The following NUBP1 variants were observed in gnomAD, a reference collection of about 807,000 sequenced individuals.
NUBP1 encodes the protein NUBP iron-sulfur cluster assembly factor 1, cytosolic.
A neutral mutation model predicts 41.8 loss-of-function variants in NUBP1; 46 were observed. That is an observed-to-expected ratio of 1.10 (90% confidence interval 0.87 to 1.41). The LOEUF is 1.41. NUBP1 is among the 40% of genes most tolerant of loss of function. NUBP1 has a pLI of 0.00. For synonymous variants in NUBP1, 189 were observed against 154.6 expected, an observed-to-expected ratio of 1.22 and a Z score of -1.65; for missense variants, 494 against 414.0, an observed-to-expected ratio of 1.19 and a Z score of -1.68.
At chr16:10,763,188 G>A (rs560110161) in intron 9 of NUBP1, among the ~76,000 whole-genome samples, 1 of 152,242 alleles carries the variant, frequency 6.6e-6, no homozygotes, top group East Asian at 1.9e-4. Flanking sequence ...GGGCTCGGGG[G>A]CTCAGGTTGT....
rs1271105382 is a variant in NUBP1 at position 10,765,610 on chromosome 16, C to A, written c.821-2339C>A. ...CATTGTCTGACAGATCAGGAAGTGA[C>A]CTTGGGGCTATTAGATCCTGATACG... is the stretch of plus-strand genomic sequence containing the variant. On this transcript the variant is annotated intron_variant, in intron 9 of 10. Transcript: ENST00000283027. The surrounding 1 kb of genome is among the most constrained non-coding windows in gnomAD (Gnocchi z 4.0). Among the ~76,000 whole-genome samples, 3 of 152,162 alleles carry A rather than the reference C, an allele frequency of 2.0e-5. No homozygotes were observed. Among genetic ancestry groups the A allele is most frequent in the African/African-American group, 7.2e-5 (3 of 41,420 alleles).
rs748633430 is a variant in NUBP1, at chr16:10,757,948, C to T, written c.527C>T (p.Thr176Met). Residue 176 changes from threonine to methionine, a missense_variant, in exon 7 of 11, where the codon ACG becomes ATG. Physicochemically the swap from Thr to Met is moderately conservative, Grantham distance 81 (BLOSUM62 -1). Transcript: ENST00000283027. This position sits in a 1 kb window ranked among gnomAD's most constrained non-coding sequence, Gnocchi z 4.1. ...CTCATTGTGGACACCCCACCTGGGACGTCGGATGAACACCTCTCGGTCGTC... is the reference window on the plus strand; with the variant it reads ...CTCATTGTGGACACCCCACCTGGGATGTCGGATGAACACCTCTCGGTCGTC... ...DYLIVDTPPGTSDEHLSVVRY... is the reference protein window; with the variant it reads ...DYLIVDTPPGMSDEHLSVVRY... The T allele has an allele frequency of 6.8e-6, 11 of 1,613,968 alleles. No homozygotes were observed. The highest frequency in any genetic ancestry group is 3.3e-5 in the Admixed American group (2 of 59,994).
rs1457669255 is a variant in NUBP1, at chr16:10,744,052, C to T, written c.111C>T (p.Ala37=). ...NQRLCASGAG[A]TPDTAIEEIK... is the part of the protein sequence containing the mutation. ...GGCTGTGCGCTTCTGGAGCGGGGGC[C>T]ACTCCGGACACGGGTGAGAAAAGGG... Residue 37 remains alanine, a synonymous_variant, in exon 2 of 11, where the codon GCC becomes GCT. Coordinates refer to ENST00000283027, the MANE Select transcript of NUBP1 (RefSeq NM_002484.4). The T allele has an allele frequency of 2.5e-6, 4 of 1,580,554 alleles. No individual in the cohort carries two copies. The highest frequency in any genetic ancestry group is 3.4e-6 in the Non-Finnish European group (4 of 1,168,772).
chr16:10,756,677 G>C lies in NUBP1; in HGVS notation c.361-13G>C. On this transcript the variant is annotated splice_polypyrimidine_tract_variant and intron_variant, in intron 5 of 10. Transcript: ENST00000283027. ...GTAAAGCGTGTCTTGCCCTCACCCT[G>C]TTCCCTCTGCAGTACGTGGAAGACA... is the stretch of plus-strand genomic sequence containing the variant. 1.3e-6 allele frequency: 2 copies of C among 1,543,142 alleles called. No homozygotes were observed. The highest frequency in any genetic ancestry group is 1.7e-6 in the Non-Finnish European group (2 of 1,153,394).
chr16:10,744,811 G>A (rs920744964), intron 2 of NUBP1, among the ~76,000 whole-genome samples: 2 of 151,814 alleles, frequency 1.3e-5, no homozygotes, highest in African/African-American at 4.8e-5. Flanking sequence ...AGACCAGAGT[G>A]CAGTGGTGTG....
At chr16:10,745,917 G>C (rs1900042196) in intron 2 of NUBP1, among the ~76,000 whole-genome samples, 1 of 152,198 alleles carries the variant, frequency 6.6e-6, no homozygotes, top group Admixed American at 6.5e-5. Flanking sequence ...AATAGGGAAG[G>C]AGTTAGACTG....
chr16:10,756,903 C>T (rs1019834744), intron 6 of NUBP1, 123 bp downstream of exon 6: 1 of 677,874 alleles, frequency 1.5e-6, no homozygotes, highest in South Asian at 2.0e-5. Flanking sequence ...TATTTTTAAC[C>T]ATCCAGTGCC....
At chr16:10,753,067 T>A (rs540575657) in intron 4 of NUBP1, among the ~76,000 whole-genome samples, 1 of 152,322 alleles carries the variant, frequency 6.6e-6, no homozygotes, top group African/African-American at 2.4e-5. Flanking sequence ...GTGCTAGGAT[T>A]ACAGGCGTGA....
rs74007530 is a variant in NUBP1, at chr16:10,744,248, G to T, written c.124+183G>T. The stretch of plus-strand genomic sequence containing the variant: ...GGAAAGTGGGCAGGGTGAGGGCGGA[G>T]CTTGGAATGACTGACAGGAACGAGG... On this transcript the variant is annotated intron_variant, in intron 2 of 10. Coordinates refer to ENST00000283027, the MANE Select transcript of NUBP1 (RefSeq NM_002484.4). Among the ~76,000 whole-genome samples the T allele has an allele frequency of 5.8e-3, 878 of 152,320 alleles. 10 individuals are homozygous for T. The highest frequency in any genetic ancestry group is 0.02 in the African/African-American group (837 of 41,566).
At chr16:10,756,251 C>T (rs926961780) in intron 5 of NUBP1, among the ~76,000 whole-genome samples, 19 of 152,150 alleles carry the variant, frequency 1.2e-4, no homozygotes, top group African/African-American at 3.4e-4. Context: ...TGGTGGCACG[C>T]GCCTGTAACA....
chr16:10,761,295 C>G, intron 7 of NUBP1, 69 bp from the exon 8 acceptor site: 1 of 1,406,974 alleles, frequency 7.1e-7, no homozygotes, highest in South Asian at 1.2e-5. Flanking sequence ...GCAGCCATCC[C>G]CTCGGTTGCA....
In NUBP1 at chr16:10,768,086, T is replaced by C. The variant is rs1212177845; in HGVS notation, c.904+54T>C. Reference sequence around the variant, plus strand: ...GATGCCTGTGGGGCAGGAAGCAACATAAAGGAGCCAGGGGTGTGGAAGGAC... The same window carrying C: ...GATGCCTGTGGGGCAGGAAGCAACACAAAGGAGCCAGGGGTGTGGAAGGAC... On this transcript the variant is annotated intron_variant, in intron 10 of 10. Coordinates refer to ENST00000283027, the MANE Select transcript of NUBP1 (RefSeq NM_002484.4). This position sits in a 1 kb window ranked among gnomAD's most constrained non-coding sequence, Gnocchi z 4.3. 4.5e-6 allele frequency: 7 copies of C among 1,557,078 alleles called. No individual in the cohort carries two copies. Among genetic ancestry groups the C allele is most frequent in the Non-Finnish European group, 6.2e-6 (7 of 1,131,258 alleles).
Position 10,757,894 on chromosome 16 carries a change from G to A in NUBP1, c.473G>A (p.Arg158Gln), listed in dbSNP as rs749989453. The A allele has an allele frequency of 2.0e-5, 33 of 1,613,882 alleles. No individual in the cohort carries two copies. Among genetic ancestry groups the A allele is most frequent in the Non-Finnish European group, 2.5e-5 (29 of 1,179,942 alleles). Residue 158 changes from arginine (R) to glutamine (Q), a missense_variant, in exon 7 of 11, where the codon CGA (arginine) becomes CAA (glutamine). Arg to Gln is a conservative substitution (Grantham distance 43). Coordinates refer to ENST00000283027, the MANE Select transcript of NUBP1 (RefSeq NM_002484.4). This position sits in a 1 kb window ranked among gnomAD's most constrained non-coding sequence, Gnocchi z 4.1. ...CTAGGCATGATCAAGCAGTTCCTCC[G>A]AGATGTGGACTGGGGAGAGGTCGAC... ...KKNGMIKQFL[R>Q]DVDWGEVDYL... is the part of the protein sequence containing the mutation.
chr16:10,754,695 G>C (rs1269282170), intron 4 of NUBP1, among the ~76,000 whole-genome samples: 4 of 152,162 alleles, frequency 2.6e-5, no homozygotes, highest in Admixed American at 1.3e-4. Flanking sequence ...CAGACTGTGG[G>C]GGGTGGTGAC....
chr16:10,761,485 G>T lies in NUBP1; in HGVS notation c.717+11G>T, dbSNP rs369337742. The T allele has an allele frequency of 6.2e-7, 1 of 1,606,456 alleles. No homozygotes were observed. The highest frequency in any genetic ancestry group is 1.1e-5 in the South Asian group (1 of 90,860). On this transcript the variant is annotated intron_variant, in intron 8 of 10. Transcript: ENST00000283027. The stretch of plus-strand genomic sequence containing the variant: ...TGTCCTAAGTGCAAGGTGAGGGCGC[G>T]TGGGGCTGCCAGGCGAGCAAGATCT...
At chr16:10,755,814 G>T in intron 5 of NUBP1, 61 bp downstream of exon 5, 1 of 1,519,824 alleles carries the variant, frequency 6.6e-7, no homozygotes, top group South Asian at 1.1e-5. Context: ...TACATAATGG[G>T]TTTGTGGTTT....
chr16:10,752,553 G>C, intron 3 of NUBP1, 57 bp from the exon 4 acceptor site: 1 of 1,380,968 alleles, frequency 7.2e-7, no homozygotes, highest in Non-Finnish European at 1.0e-6. Flanking sequence ...CTAGTTGTGT[G>C]TGTCTGGAGT....
intron 9 of NUBP1, among the ~76,000 whole-genome samples, chr16:10,763,169 G>A (rs1486459520): frequency 6.6e-6 from 1 of 152,142 alleles, no homozygotes; most frequent in Non-Finnish European, 1.5e-5. Flanking sequence ...CTGGGGTGCT[G>A]CGGCTAAGGG....
At position 10,767,358 on chromosome 16, in the gene NUBP1, G is replaced by A; in HGVS notation, c.821-591G>A. ...GCCACATGGCGGGGAAAGACTAGCA[G>A]ACTGATAGACACCAGCACAGATGAC... is the stretch of plus-strand genomic sequence containing the variant. On this transcript the variant is annotated intron_variant, in intron 9 of 10. Transcript: ENST00000283027. This position sits in a 1 kb window ranked among gnomAD's most constrained non-coding sequence, Gnocchi z 4.6. The A allele has an allele frequency of 2.5e-6, 1 of 399,842 alleles. No homozygotes were observed. The highest frequency in any genetic ancestry group is 4.4e-6 in the Non-Finnish European group (1 of 226,994). 24.8% of individuals were successfully genotyped at this position (399,842 alleles called of 1,614,324 possible).
Sources: allele counts gnomAD v4.1 joint callset (sites outside exome capture counted in the v4.1 genomes callset), GRCh38; gene constraint gnomAD v4.1.1; non-coding constraint Gnocchi (gnomAD v3.1); transcripts MANE v1.5; gene names NCBI Gene and HGNC (gene_info 2026-07-23, HGNC 2026-07-21).